CYTH4: variants seen among roughly 807,000 people sequenced by gnomAD.
The protein encoded by CYTH4 is cytohesin 4.
In CYTH4, 22 loss-of-function variants were observed where a neutral mutation model predicts 57.5. The observed-to-expected ratio is 0.38, with a 90% CI of 0.27 to 0.55. The LOEUF is 0.55. Ranked by LOEUF, CYTH4 falls within the 20% of genes least tolerant of loss-of-function variation. CYTH4 has a pLI of 0.74. For synonymous variants in CYTH4, 186 were observed against 206.5 expected, an observed-to-expected ratio of 0.90 and a Z score of 0.85; for missense variants, 420 against 535.6, an observed-to-expected ratio of 0.78 and a Z score of 2.13.
intron 1 of CYTH4, among the ~76,000 whole-genome samples, chr22:37,283,550 G>A (rs941599182): frequency 2.0e-5 from 3 of 152,036 alleles, no homozygotes; most frequent in African/African-American, 7.2e-5. Flanking sequence ...CGCCCACTGG[G>A]CATCCCCCTT....
intron 1 of CYTH4, among the ~76,000 whole-genome samples, chr22:37,288,986 T>G (rs948427154): frequency 1.3e-5 from 2 of 152,206 alleles, no homozygotes; most frequent in Non-Finnish European, 2.9e-5. Flanking sequence ...AGCCTCTGGA[T>G]AGTGGTGCTG....
At position 37,301,051 on chromosome 22, in the gene CYTH4, G is replaced by A. The variant is rs201838042; in HGVS notation, c.547+32G>A. On this transcript the variant is annotated intron_variant, in intron 7 of 12. Coordinates refer to ENST00000248901, the MANE Select transcript of CYTH4 (RefSeq NM_013385.5). ...GGAGGGGAGTGGGACCCAGGGCTCC[G>A]GGACCCCTTCAGCATTGCCAGGCAT... The A allele has an allele frequency of 1.2e-4, 183 of 1,586,194 alleles. 1 individual carries two copies. The highest frequency in any genetic ancestry group is 8.3e-4 in the Middle Eastern group (5 of 6,048).
chr22:37,287,445 A>G (rs1190687715), intron 1 of CYTH4, among the ~76,000 whole-genome samples: 4 of 152,196 alleles, frequency 2.6e-5, no homozygotes, highest in Non-Finnish European at 5.9e-5. Context: ...CCCCAAGCCA[A>G]CAGGAAAACT....
chr22:37,305,252 C>T (rs1445451818), intron 8 of CYTH4, among the ~76,000 whole-genome samples: 3 of 152,292 alleles, frequency 2.0e-5, no homozygotes, highest in African/African-American at 4.8e-5. Flanking sequence ...TAACAATGCA[C>T]TGCATTTGTA....
intron 1 of CYTH4, among the ~76,000 whole-genome samples, chr22:37,288,447 A>G (rs1478967844): frequency 6.6e-6 from 1 of 152,164 alleles, no homozygotes; most frequent in African/African-American, 2.4e-5. Context: ...TTAGCCGGGC[A>G]TGGTGGTGCA....
intron 6 of CYTH4, 78 bp downstream of exon 6, chr22:37,299,384 G>A: frequency 8.0e-7 from 1 of 1,243,706 alleles, no homozygotes; most frequent in Non-Finnish European, 1.2e-6. Context: ...GATCCACATA[G>A]CTGACAGCAC....
At chr22:37,308,229 G>A (rs891341986) in intron 8 of CYTH4, among the ~76,000 whole-genome samples, 4 of 152,254 alleles carry the variant, frequency 2.6e-5, no homozygotes, top group Admixed American at 2.6e-4. Context: ...CTGCACCTAA[G>A]CAGGAGAGGA....
intron 2 of CYTH4, 81 bp from the exon 3 acceptor site, chr22:37,294,579 G>C (rs756543145): frequency 6.6e-7 from 1 of 1,504,354 alleles, no homozygotes. Flanking sequence ...CCAGGGGTAG[G>C]AGTGGTCCTT....
At chr22:37,286,495 G>A (rs140096054) in intron 1 of CYTH4, among the ~76,000 whole-genome samples, 34 of 152,284 alleles carry the variant, frequency 2.2e-4, no homozygotes, top group African/African-American at 6.5e-4. Context: ...CTTAACCAAC[G>A]GCGTGGCTTG....
rs1483942285 is a variant in CYTH4 at position 37,300,943 on chromosome 22, C to G, written c.471C>G (p.Ala157=). The G allele has an allele frequency of 3.7e-6, 6 of 1,614,226 alleles. No individual in the cohort carries two copies. The highest frequency in any genetic ancestry group is 5.1e-6 in the Non-Finnish European group (6 of 1,180,032). Residue 157 remains alanine, a synonymous_variant, in exon 7 of 13, where the codon GCC becomes GCG. Coordinates refer to ENST00000248901, the MANE Select transcript of CYTH4 (RefSeq NM_013385.5). The part of the protein sequence containing the change: ...FLWSFRLPGE[A]QKIDRMMEAF... ...GGAGCTTCCGGCTGCCGGGCGAGGC[C>G]CAGAAGATAGACCGGATGATGGAGG...
At chr22:37,293,831 G>A (rs1928837664) in intron 2 of CYTH4, among the ~76,000 whole-genome samples, 1 of 152,142 alleles carries the variant, frequency 6.6e-6, no homozygotes, top group Admixed American at 6.5e-5. Flanking sequence ...AAATGGGCTT[G>A]GGGTCGAGTT....
intron 8 of CYTH4, among the ~76,000 whole-genome samples, chr22:37,307,168 G>A (rs1489002013): frequency 6.6e-6 from 1 of 152,248 alleles, no homozygotes; most frequent in Non-Finnish European, 1.5e-5. Context: ...GGCAGTGCGT[G>A]CAAGGCGTTT....
chr22:37,292,753 C>T (rs745819210), intron 2 of CYTH4, 50 bp downstream of exon 2: 46 of 1,575,398 alleles, frequency 2.9e-5, no homozygotes, highest in Admixed American at 1.0e-4. Flanking sequence ...CACTCCTGCA[C>T]GCTTGTACGC....
Position 37,295,432 on chromosome 22 carries a change from GCA to G in CYTH4, c.168-556_168-555del, listed in dbSNP as rs1462494444. Among the ~76,000 whole-genome samples the G allele has an allele frequency of 1.3e-5, 2 of 151,292 alleles. No individual in the cohort carries two copies. The highest frequency in any genetic ancestry group is 4.2e-4 in the South Asian group (2 of 4,786). On this transcript the variant is annotated intron_variant, in intron 3 of 12. Coordinates refer to ENST00000248901, the MANE Select transcript of CYTH4 (RefSeq NM_013385.5). This position sits in a 1 kb window ranked among gnomAD's most constrained non-coding sequence, Gnocchi z 4.1. ...CAAGCATGCACACACACACAAGCAT[GCA>G]CACACACACAAGCATGCACACACAC...
chr22:37,311,447 T>C lies in CYTH4; in HGVS notation c.886-9T>C, dbSNP rs200116602. On this transcript the variant is annotated splice_polypyrimidine_tract_variant and intron_variant, in intron 10 of 12. Transcript: ENST00000248901. This position sits in a 1 kb window ranked among gnomAD's most constrained non-coding sequence, Gnocchi z 4.4. ...CCTGACCCTGACCTTCCTTCCCCTT[T>C]CCCTGTAGGACAAGGAGCCACGGGG... 1 of 1,613,348 alleles carries C rather than the reference T, an allele frequency of 6.2e-7. No homozygotes were observed. The highest frequency in any genetic ancestry group is 1.3e-5 in the African/African-American group (1 of 74,918).
In CYTH4 at chr22:37,295,901, G is replaced by A; in HGVS notation, c.168-98G>A. On this transcript the variant is annotated intron_variant, in intron 3 of 12. Coordinates refer to ENST00000248901, the MANE Select transcript of CYTH4 (RefSeq NM_013385.5). The surrounding 1 kb of genome is among the most constrained non-coding windows in gnomAD (Gnocchi z 4.1). ...CGGAGGCCACACTTGGAGGGCCCTA[G>A]AGGGGTATGGGCTCCTGCTGAGGCA... 1 of 1,300,294 alleles carries A rather than the reference G, an allele frequency of 7.7e-7. No individual in the cohort carries two copies. Among genetic ancestry groups the A allele is most frequent in the Non-Finnish European group, 1.1e-6 (1 of 918,266 alleles). 80.5% of individuals were successfully genotyped at this position (1,300,294 alleles called of 1,614,324 possible).
At chr22:37,306,270 G>T (rs1164732305) in intron 8 of CYTH4, among the ~76,000 whole-genome samples, 1 of 152,178 alleles carries the variant, frequency 6.6e-6, no homozygotes, top group Non-Finnish European at 1.5e-5. Flanking sequence ...AGAAACTGAG[G>T]CCCAGGCAGA....
In CYTH4 at chr22:37,298,954, C is replaced by CT. The variant is rs1467304010; in HGVS notation, c.354-271dup. Among the ~76,000 whole-genome samples the CT allele has an allele frequency of 6.6e-6, 1 of 152,174 alleles. No individual in the cohort carries two copies. The highest frequency in any genetic ancestry group is 1.5e-5 in the Non-Finnish European group (1 of 68,014). On this transcript the variant is annotated intron_variant, in intron 5 of 12. Transcript: ENST00000248901. This position sits in a 1 kb window ranked among gnomAD's most constrained non-coding sequence, Gnocchi z 4.1. ...TTACAGGAAATGAGGAAGGCCTGGA[C>CT]TGAGGGCAAGGCCGCTCCAAAGCCA...
Position 37,301,555 on chromosome 22 carries a change from G to A in CYTH4, c.547+536G>A, listed in dbSNP as rs1354712078. On this transcript the variant is annotated intron_variant, in intron 7 of 12. Coordinates refer to ENST00000248901, the MANE Select transcript of CYTH4 (RefSeq NM_013385.5). ...AATGCCCATGTGAAGACATCCAGAG[G>A]ACAGGGTGGGCGAGGGACCATCCTG... Among the ~76,000 whole-genome samples the A allele has an allele frequency of 4.6e-5, 7 of 152,070 alleles. No homozygotes were observed. The East Asian group carries it at 5.8e-4, about 13-fold the overall frequency.
Sources: allele counts gnomAD v4.1 joint callset (sites outside exome capture counted in the v4.1 genomes callset), GRCh38; gene constraint gnomAD v4.1.1; non-coding constraint Gnocchi (gnomAD v3.1); transcripts MANE v1.5; gene names NCBI Gene and HGNC (gene_info 2026-07-23, HGNC 2026-07-21).